Variants in TCP11 observed in about 807,000 individuals in gnomAD.
TCP11 encodes the protein T-complex protein 11 homolog.
A neutral mutation model predicts 45.0 loss-of-function variants in TCP11; 34 were observed. That is an observed-to-expected ratio of 0.76 (90% CI 0.57 to 1.01). TCP11 has a LOEUF of 1.01. Among genes scored for constraint, TCP11 ranks in the 50% least tolerant of loss-of-function variants. The pLI, the probability that TCP11 is intolerant of heterozygous loss-of-function variation, is 0.00. For missense variants in TCP11, 523 were observed against 598.1 expected (o/e 0.87, Z 1.31); for synonymous variants, 227 against 227.0 (o/e 1.00, Z 0.00).
At chr6:35,133,686 A>T (rs1780715961) in intron 3 of TCP11, among the ~76,000 whole-genome samples, 1 of 151,998 alleles carries the variant, frequency 6.6e-6, no homozygotes, top group African/African-American at 2.4e-5. Context: ...GCTACTCAGG[A>T]GGCTGAGGCA....
rs539355206 is a variant in TCP11 at position 35,125,538 on chromosome 6, T to C, written c.358-3201A>G. On this transcript the variant is annotated intron_variant, in intron 4 of 9. Transcript: ENST00000311875. ...AAATGCTGGCTAGGATGTGGAGAAA[T>C]TGGAACCCTGGTACATTGCTGGTAG... Among the ~76,000 whole-genome samples the C allele has an allele frequency of 1.3e-3, 192 of 152,274 alleles. 1 individual carries two copies. The highest frequency in any genetic ancestry group is 4.4e-3 in the African/African-American group (182 of 41,550).
At chr6:35,127,483 GA>G (rs1418077567) in intron 4 of TCP11, among the ~76,000 whole-genome samples, 1 of 152,210 alleles carries the variant, frequency 6.6e-6, no homozygotes, top group Non-Finnish European at 1.5e-5. Flanking sequence ...AATATGGAAT[GA>G]ATGAATCGTG....
intron 4 of TCP11, among the ~76,000 whole-genome samples, chr6:35,127,378 A>G (rs1779948400): frequency 6.6e-6 from 1 of 152,156 alleles, no homozygotes. Context: ...CAACAAACAA[A>G]GCAAAATGTC....
Position 35,120,120 on chromosome 6 carries a change from A to T in TCP11, c.1115+39T>A. The T allele has an allele frequency of 2.5e-6, 4 of 1,598,802 alleles. No individual in the cohort carries two copies. Among genetic ancestry groups the T allele is most frequent in the Non-Finnish European group, 3.4e-6 (4 of 1,172,272 alleles). On this transcript the variant is annotated intron_variant, in intron 8 of 9. Transcript: ENST00000311875. This position sits in a 1 kb window ranked among gnomAD's most constrained non-coding sequence, Gnocchi z 4.9. The stretch of plus-strand genomic sequence containing the variant: ...TACCTGCCTATGTTCTAAATACCAC[A>T]TATCACCTTCTACTCTAAAAAGTAA...
At chr6:35,127,972 C>G (rs1184628943) in intron 4 of TCP11, among the ~76,000 whole-genome samples, 1 of 152,156 alleles carries the variant, frequency 6.6e-6, no homozygotes, top group Non-Finnish European at 1.5e-5. Flanking sequence ...CTTTCCTTTG[C>G]CAGATAGCAC....
intron 2 of TCP11, among the ~76,000 whole-genome samples, chr6:35,137,307 TCA>T (rs1047309502): frequency 8.1e-6 from 1 of 122,936 alleles, no homozygotes; most frequent in African/African-American, 3.1e-5. Flanking sequence ...TTTTAGGAAT[TCA>T]CAGACTAATA....
chr6:35,121,901 G>C (rs1779302116), intron 5 of TCP11, among the ~76,000 whole-genome samples: 1 of 152,054 alleles, frequency 6.6e-6, no homozygotes, highest in South Asian at 2.1e-4. Context: ...TGGTATTACA[G>C]AGGGGGGGCC....
In TCP11 at chr6:35,127,279, G is replaced by T. The variant is rs146264932; in HGVS notation, c.357+1783C>A. On this transcript the variant is annotated intron_variant, in intron 4 of 9. Transcript: ENST00000311875. ...ATTGGATTGTGGCCACACAATGGGG[G>T]TAAGAAAGACCATGCCTGAAACTCA... Among the ~76,000 whole-genome samples, 29 of 152,304 alleles carry T rather than the reference G, an allele frequency of 1.9e-4. No individual in the cohort carries two copies. In the South Asian group the frequency reaches 3.7e-3, roughly 20 times the overall value.
chr6:35,121,807 C>CA (rs1221559411), intron 5 of TCP11, among the ~76,000 whole-genome samples: 14 of 126,332 alleles, frequency 1.1e-4, no homozygotes, highest in African/African-American at 1.8e-4. Flanking sequence ...AACTCCATCT[C>CA]AAAAAAAAAG....
At position 35,120,114 on chromosome 6, in the gene TCP11, T is replaced by A. The variant is rs773363836; in HGVS notation, c.1115+45A>T. On this transcript the variant is annotated intron_variant, in intron 8 of 9. Coordinates refer to ENST00000311875, the MANE Select transcript of TCP11 (RefSeq NM_001370687.1). The surrounding 1 kb of genome is among the most constrained non-coding windows in gnomAD (Gnocchi z 4.9). Reference sequence around the variant, plus strand: ...GTTCATTACCTGCCTATGTTCTAAATACCACATATCACCTTCTACTCTAAA... The same window carrying A: ...GTTCATTACCTGCCTATGTTCTAAAAACCACATATCACCTTCTACTCTAAA... 14 of 1,590,928 alleles carry A rather than the reference T, an allele frequency of 8.8e-6. No individual in the cohort carries two copies. Among genetic ancestry groups the A allele is most frequent in the Non-Finnish European group, 1.2e-5 (14 of 1,167,854 alleles).
intron 4 of TCP11, among the ~76,000 whole-genome samples, chr6:35,122,974 G>T (rs573679748): frequency 6.6e-6 from 1 of 152,264 alleles, no homozygotes; most frequent in South Asian, 2.1e-4. Flanking sequence ...GCCAAACTCT[G>T]CCAGTTACCA....
chr6:35,128,597 G>A (rs1780076975), intron 4 of TCP11: 2 of 146,742 alleles, frequency 1.4e-5, no homozygotes, highest in Non-Finnish European at 3.0e-5. Context: ...ACATTGCAAA[G>A]GCAAGAGCTT....
At chr6:35,122,668 T>G (rs1171322846) in intron 4 of TCP11, among the ~76,000 whole-genome samples, 1 of 152,126 alleles carries the variant, frequency 6.6e-6, no homozygotes, top group African/African-American at 2.4e-5. Context: ...CTCTTAACTT[T>G]AAAAGGGAGG....
chr6:35,141,262 TGGCGGCC>T lies in TCP11; in HGVS notation c.-79_-73del. ...CGTCCGCTCGGTGGGCCTCGCGGCCTGGCGGCCTGGAGCGTACCACCGCGGCGGAGCG... is the reference window on the plus strand; with the variant it reads ...CGTCCGCTCGGTGGGCCTCGCGGCCTTGGAGCGTACCACCGCGGCGGAGCG... On this transcript the variant is annotated 5_prime_UTR_variant, in exon 1 of 10. Coordinates refer to ENST00000311875, the MANE Select transcript of TCP11 (RefSeq NM_001370687.1). 5.3e-6 allele frequency: 1 copy of T among 188,054 alleles called. No individual in the cohort carries two copies. The highest frequency in any genetic ancestry group is 1.3e-3 in the Middle Eastern group (1 of 762). The allele number at this position is 188,054 out of a possible 1,614,324, so 11.6% of individuals were successfully genotyped here.
At chr6:35,139,931 A>G (rs1781525278) in intron 2 of TCP11, 1 of 1,344,474 alleles carries the variant, frequency 7.4e-7, no homozygotes, top group African/African-American at 1.5e-5. Context: ...TATTCATTTT[A>G]CTGAGAGTTG....
chr6:35,134,273 C>CTT (rs34368428), intron 3 of TCP11, among the ~76,000 whole-genome samples: 49 of 105,076 alleles, frequency 4.7e-4, no homozygotes, highest in African/African-American at 8.7e-4. Flanking sequence ...CACCCATAAG[C>CTT]TTTTTTTTTT....
At chr6:35,135,620 T>TAAAAA (rs35859439) in intron 3 of TCP11, among the ~76,000 whole-genome samples, 1 of 121,550 alleles carries the variant, frequency 8.2e-6, no homozygotes. Context: ...ACCCCATCTC[T>TAAAAA]AAAAAAAAAA....
chr6:35,120,342 T>G lies in TCP11; in HGVS notation c.934-2A>C. Reference sequence around the variant, plus strand: ...CCGGGTTCTGTCCATCAGCAGGGTCTGGGAACCAGGGAAGAACAGGCTGTC... The same window carrying G: ...CCGGGTTCTGTCCATCAGCAGGGTCGGGGAACCAGGGAAGAACAGGCTGTC... On this transcript the variant is annotated splice_acceptor_variant, in intron 7 of 9. Coordinates refer to ENST00000311875, the MANE Select transcript of TCP11 (RefSeq NM_001370687.1). LOFTEE classifies it high-confidence loss of function. This position sits in a 1 kb window ranked among gnomAD's most constrained non-coding sequence, Gnocchi z 4.9. 6.2e-7 allele frequency: 1 copy of G among 1,612,296 alleles called. No individual in the cohort carries two copies. Among genetic ancestry groups the G allele is most frequent in the Non-Finnish European group, 8.5e-7 (1 of 1,178,730 alleles).
intron 3 of TCP11, among the ~76,000 whole-genome samples, chr6:35,135,346 C>T (rs994684380): frequency 1.3e-5 from 2 of 152,072 alleles, no homozygotes; most frequent in African/African-American, 2.4e-5. Context: ...TTATATATAG[C>T]TGCCCTATAG....
Sources: allele counts gnomAD v4.1 joint callset (sites outside exome capture counted in the v4.1 genomes callset), GRCh38; gene constraint gnomAD v4.1.1; non-coding constraint Gnocchi (gnomAD v3.1); transcripts MANE v1.5; gene names NCBI Gene and HGNC (gene_info 2026-07-23, HGNC 2026-07-21).